Variants in MCTP1 observed in about 807,000 individuals in gnomAD.
MCTP1 encodes the protein multiple C2 and transmembrane domain containing 1.
Under a neutral mutation model 120.6 loss-of-function variants are expected in MCTP1, and 69 were observed. The observed-to-expected ratio is 0.57, with a 90% CI of 0.47 to 0.70. MCTP1 has a LOEUF of 0.70. Ranked by LOEUF, MCTP1 falls within the 30% of genes least tolerant of loss-of-function variation. MCTP1 has a pLI of 0.00. For synonymous variants in MCTP1, 529 were observed against 493.1 expected (o/e 1.07, Z -0.96); for missense variants, 1,203 against 1,248.8 (o/e 0.96, Z 0.55).
intron 5 of MCTP1, among the ~76,000 whole-genome samples, chr5:94,932,283 GA>G (rs1814945077): frequency 6.8e-6 from 1 of 147,340 alleles, no homozygotes; most frequent in Non-Finnish European, 1.5e-5. Context: ...AAAACACATT[GA>G]GTCTCATAAT....
chr5:94,839,497 T>A (rs1790532898), intron 17 of MCTP1, among the ~76,000 whole-genome samples: 2 of 152,098 alleles, frequency 1.3e-5, no homozygotes. Context: ...ATAGAATTTT[T>A]TTCTCGGTAG....
intron 1 of MCTP1, among the ~76,000 whole-genome samples, chr5:95,266,640 C>T (rs1486635028): frequency 1.3e-5 from 2 of 152,316 alleles, no homozygotes; most frequent in African/African-American, 4.8e-5. Flanking sequence ...TTGGGCATGG[C>T]TTCTGTCATG....
chr5:95,246,487 A>T (rs1315572595), intron 1 of MCTP1, among the ~76,000 whole-genome samples: 1 of 152,194 alleles, frequency 6.6e-6, no homozygotes, highest in African/African-American at 2.4e-5. Flanking sequence ...AAGCAAAAAA[A>T]AAATAAAAAG....
chr5:95,030,634 C>T (rs1169345941), intron 1 of MCTP1, among the ~76,000 whole-genome samples: 2 of 152,124 alleles, frequency 1.3e-5, no homozygotes, highest in East Asian at 3.8e-4. Flanking sequence ...GCAACATGCA[C>T]CACAGTCATA....
intron 19 of MCTP1, among the ~76,000 whole-genome samples, chr5:94,724,976 T>G (rs904725348): frequency 6.7e-6 from 1 of 148,858 alleles, no homozygotes; most frequent in African/African-American, 2.5e-5. Context: ...AAAAAAAAAG[T>G]AACAAAGGCT....
intron 1 of MCTP1, among the ~76,000 whole-genome samples, chr5:95,023,493 C>T (rs1156360537): frequency 6.6e-6 from 1 of 152,216 alleles, no homozygotes; most frequent in African/African-American, 2.4e-5. Context: ...TTGAGCTGCG[C>T]TCCTGGGAGG....
chr5:95,176,747 A>C (rs1748033831), intron 1 of MCTP1, among the ~76,000 whole-genome samples: 1 of 152,136 alleles, frequency 6.6e-6, no homozygotes. Flanking sequence ...AGTCCCAGCT[A>C]ATCAGGAGGC....
intron 17 of MCTP1, among the ~76,000 whole-genome samples, chr5:94,853,754 C>T (rs981059443): frequency 2.0e-5 from 3 of 151,938 alleles, no homozygotes; most frequent in South Asian, 4.1e-4. Context: ...AAACCTTTTA[C>T]ACCTGCTTGT....
intron 1 of MCTP1, among the ~76,000 whole-genome samples, chr5:95,165,476 C>G (rs1407915137): frequency 1.3e-5 from 2 of 152,134 alleles, no homozygotes; most frequent in African/African-American, 4.8e-5. Flanking sequence ...ACATCTATAT[C>G]AATCTATGTG....
chr5:95,103,003 T>A (rs929093243), intron 1 of MCTP1, among the ~76,000 whole-genome samples: 1 of 152,198 alleles, frequency 6.6e-6, no homozygotes, highest in Non-Finnish European at 1.5e-5. Flanking sequence ...ATGGGAATAG[T>A]ACTCAACTCA....
intron 1 of MCTP1, among the ~76,000 whole-genome samples, chr5:95,111,897 ACT>A (rs1350498486): frequency 6.6e-6 from 1 of 152,076 alleles, no homozygotes; most frequent in African/African-American, 2.4e-5. Flanking sequence ...AGCACTGATT[ACT>A]CTCTAGCTGG....
At chr5:94,922,734 C>G (rs138880211) in intron 7 of MCTP1, among the ~76,000 whole-genome samples, 1 of 152,080 alleles carries the variant, frequency 6.6e-6, no homozygotes, top group African/African-American at 2.4e-5. Flanking sequence ...GTGATCTGCC[C>G]GCCTCAGCCT....
chr5:94,888,801 G>T, intron 12 of MCTP1, 78 bp downstream of exon 12: 1 of 806,034 alleles, frequency 1.2e-6, no homozygotes, highest in Non-Finnish European at 2.1e-6. Context: ...CAGGTGAAAT[G>T]CAAAGTTGAA....
intron 19 of MCTP1, among the ~76,000 whole-genome samples, chr5:94,732,000 A>G (rs35111621): frequency 0.23 from 34,615 of 152,104 alleles, 4,046 homozygotes; most frequent in East Asian, 0.35. Flanking sequence ...AGGTAGCATT[A>G]CTCCTGTAAG....
intron 1 of MCTP1, among the ~76,000 whole-genome samples, chr5:95,045,989 C>A (rs1317817697): frequency 6.6e-6 from 1 of 152,084 alleles, no homozygotes; most frequent in Admixed American, 6.6e-5. Context: ...CTTCATTGGG[C>A]TCTGAGAATT....
intron 17 of MCTP1, among the ~76,000 whole-genome samples, chr5:94,833,551 T>C (rs893245260): frequency 1.3e-5 from 2 of 152,294 alleles, no homozygotes; most frequent in Non-Finnish European, 2.9e-5. Context: ...AAAAACAAAT[T>C]TGTTTTTAAG....
intron 18 of MCTP1, among the ~76,000 whole-genome samples, chr5:94,780,992 GA>G (rs1776448390): frequency 6.6e-6 from 1 of 152,142 alleles, no homozygotes; most frequent in African/African-American, 2.4e-5. Flanking sequence ...GGCTATTTGT[GA>G]GGGAGGTTTA....
intron 1 of MCTP1, among the ~76,000 whole-genome samples, chr5:95,203,285 T>C (rs1442217104): frequency 6.6e-6 from 1 of 152,222 alleles, no homozygotes; most frequent in Non-Finnish European, 1.5e-5. Context: ...TGTTTTCCAT[T>C]CCTGTGCTAT....
chr5:95,046,213 A>G (rs1429511541), intron 1 of MCTP1, among the ~76,000 whole-genome samples: 3 of 152,206 alleles, frequency 2.0e-5, no homozygotes, highest in Non-Finnish European at 2.9e-5. Context: ...TAGAGATGCC[A>G]TAATTTCATT....
Sources: allele counts gnomAD v4.1 joint callset (sites outside exome capture counted in the v4.1 genomes callset), GRCh38; gene constraint gnomAD v4.1.1; transcripts MANE v1.5; gene names NCBI Gene and HGNC (gene_info 2026-07-23, HGNC 2026-07-21).